IL1RAPL2: variants seen among roughly 807,000 people sequenced by gnomAD.
IL1RAPL2 encodes X-linked interleukin-1 receptor accessory protein-like 2.
In IL1RAPL2, 3 loss-of-function variants were observed where a neutral mutation model predicts 44.1. The observed-to-expected ratio is 0.07, with a 90% CI of 0.03 to 0.18. IL1RAPL2 has a LOEUF of 0.18. Ranked by LOEUF, IL1RAPL2 falls within the 10% of genes least tolerant of loss-of-function variation. IL1RAPL2 has a pLI of 1.00. For missense variants in IL1RAPL2, 391 were observed against 496.4 expected, an observed-to-expected ratio of 0.79 and a Z score of 2.02; for synonymous variants, 181 against 178.8, an observed-to-expected ratio of 1.01 and a Z score of -0.10.
intron 2 of IL1RAPL2, among the ~76,000 whole-genome samples, chrX:104,983,559 T>C (rs377619797): frequency 2.0e-5 from 1 of 51,024 alleles, no homozygotes; most frequent in Non-Finnish European, 4.1e-5. Context: ...TATAGACATA[T>C]TATATATTAT....
intron 5 of IL1RAPL2, among the ~76,000 whole-genome samples, chrX:105,320,258 G>A (rs1303966999): frequency 8.9e-6 from 1 of 111,856 alleles, no homozygotes. Flanking sequence ...CTTTATGAAT[G>A]TGTGTTGAGG....
intron 2 of IL1RAPL2, among the ~76,000 whole-genome samples, chrX:105,035,913 A>T (rs2031620123): frequency 8.9e-6 from 1 of 112,120 alleles, no homozygotes; most frequent in Admixed American, 9.5e-5. Flanking sequence ...TACAGTGTTA[A>T]ATATCTACAG....
chrX:105,273,850 G>A (rs763143142), intron 5 of IL1RAPL2, among the ~76,000 whole-genome samples: 6 of 111,493 alleles, frequency 5.4e-5, no homozygotes, highest in Non-Finnish European at 1.1e-4. Context: ...GAGGGCCAAG[G>A]GGAATTTTCT....
intron 2 of IL1RAPL2, among the ~76,000 whole-genome samples, chrX:104,806,164 T>C (rs185006517): frequency 2.5e-4 from 28 of 111,941 alleles, no homozygotes; most frequent in African/African-American, 9.1e-4. Flanking sequence ...CACCTGGGCC[T>C]TGTAAAAGTT....
chrX:105,345,280 C>T (rs1388596954), intron 5 of IL1RAPL2, among the ~76,000 whole-genome samples: 1 of 111,469 alleles, frequency 9.0e-6, no homozygotes, highest in Non-Finnish European at 1.9e-5. Flanking sequence ...CTTTTTATTT[C>T]CCAGTATAAA....
At chrX:104,991,707 C>A (rs1377548338) in intron 2 of IL1RAPL2, among the ~76,000 whole-genome samples, 1 of 111,851 alleles carries the variant, frequency 8.9e-6, no homozygotes, top group East Asian at 2.8e-4. Flanking sequence ...GGTACTGAGA[C>A]AGGCTCTAGG....
At chrX:105,706,994 C>T (rs763303992) in intron 6 of IL1RAPL2, among the ~76,000 whole-genome samples, 20 of 111,503 alleles carry the variant, frequency 1.8e-4, no homozygotes, top group Non-Finnish European at 3.6e-4. Flanking sequence ...TCTTCAGGAA[C>T]TTATGGACAT....
intron 6 of IL1RAPL2, among the ~76,000 whole-genome samples, chrX:105,550,327 A>G (rs1445273614): frequency 8.9e-6 from 1 of 112,147 alleles, no homozygotes; most frequent in Non-Finnish European, 1.9e-5. Context: ...GCCACTTATT[A>G]AAAATGCTGA....
chrX:104,755,825 C>A (rs2147586220), intron 2 of IL1RAPL2, among the ~76,000 whole-genome samples: 1 of 111,255 alleles, frequency 9.0e-6, no homozygotes, highest in East Asian at 2.8e-4. Flanking sequence ...AAACCCAGAG[C>A]AGGTAGAACT....
chrX:105,325,022 C>T (rs924939433), intron 5 of IL1RAPL2, among the ~76,000 whole-genome samples: 27 of 111,688 alleles, frequency 2.4e-4, no homozygotes, highest in African/African-American at 7.8e-4. Context: ...GTTTGATGCA[C>T]GTTTTTAACA....
intron 5 of IL1RAPL2, among the ~76,000 whole-genome samples, chrX:105,352,934 A>C (rs2035168312): frequency 9.2e-6 from 1 of 108,980 alleles, no homozygotes; most frequent in African/African-American, 3.3e-5. Context: ...TCTTTAGTTT[A>C]ATTAGATCCC....
intron 6 of IL1RAPL2, among the ~76,000 whole-genome samples, chrX:105,662,198 T>C (rs1334604369): frequency 8.9e-6 from 1 of 112,434 alleles, no homozygotes; most frequent in Non-Finnish European, 1.9e-5. Flanking sequence ...GCTCTCATGC[T>C]TTTTTGTTTC....
At chrX:104,698,358 G>T (rs1254848104) in intron 2 of IL1RAPL2, among the ~76,000 whole-genome samples, 4 of 112,175 alleles carry the variant, frequency 3.6e-5, no homozygotes, top group African/African-American at 1.3e-4. Context: ...ATATAAGGAT[G>T]TGACTGTCAG....
intron 8 of IL1RAPL2, among the ~76,000 whole-genome samples, chrX:105,742,439 CTTAT>C (rs2038508189): frequency 9.0e-6 from 1 of 111,233 alleles, no homozygotes; most frequent in Non-Finnish European, 1.9e-5. Context: ...CAGAAATAAC[CTTAT>C]TTGAGTTTTA....
rs183796945 is a variant in IL1RAPL2, at chrX:105,578,341, G to T, written c.772+93954G>T. On this transcript the variant is annotated intron_variant, in intron 6 of 10. Coordinates refer to ENST00000372582, the MANE Select transcript of IL1RAPL2 (RefSeq NM_017416.2). ...GTTAAGTGATATGTCAAACATAAGGGTTATATAAGACAAGGATCATGACTG... is the reference window on the plus strand; with the variant it reads ...GTTAAGTGATATGTCAAACATAAGGTTTATATAAGACAAGGATCATGACTG... Among the ~76,000 whole-genome samples, 30 of 110,428 alleles carry T rather than the reference G, an allele frequency of 2.7e-4. No homozygotes were observed. The East Asian group carries it at 8.0e-3, about 30-fold the overall frequency.
At chrX:105,442,461 A>G (rs2035927380) in intron 5 of IL1RAPL2, among the ~76,000 whole-genome samples, 1 of 111,626 alleles carries the variant, frequency 9.0e-6, no homozygotes, top group Non-Finnish European at 1.9e-5. Flanking sequence ...AACATTGTGT[A>G]ATCCCTTCAA....
At chrX:105,164,499 AGGTG>A (rs2033354841) in intron 2 of IL1RAPL2, among the ~76,000 whole-genome samples, 1 of 112,410 alleles carries the variant, frequency 8.9e-6, no homozygotes, top group Non-Finnish European at 1.9e-5. Context: ...TGAATAAGAT[AGGTG>A]AAATACCAGT....
At chrX:105,035,874 G>T (rs1173764126) in intron 2 of IL1RAPL2, among the ~76,000 whole-genome samples, 1 of 112,252 alleles carries the variant, frequency 8.9e-6, no homozygotes, top group Admixed American at 9.5e-5. Context: ...ACTTAAGTTT[G>T]CTGAGCATCT....
At position 104,741,485 on chromosome X, in the gene IL1RAPL2, A is replaced by G. The variant is rs1184840486; in HGVS notation, c.82+82490A>G. On this transcript the variant is annotated intron_variant, in intron 2 of 10. Transcript: ENST00000372582. ...TATCGTAAATTTTTTTAAACAAAAG[A>G]CTATGTCTTTTGGTTAACAATTTAA... 3.6e-5 allele frequency among the ~76,000 whole-genome samples: 4 copies of G among 111,026 alleles called. No individual in the cohort carries two copies. In the East Asian group the frequency reaches 1.1e-3, roughly 32 times the overall value.
Sources: allele counts gnomAD v4.1 joint callset (sites outside exome capture counted in the v4.1 genomes callset), GRCh38; gene constraint gnomAD v4.1.1; transcripts MANE v1.5; gene names NCBI Gene and HGNC (gene_info 2026-07-23, HGNC 2026-07-21).